The following CATSPER1 variants were observed in gnomAD, a reference collection of about 807,000 sequenced individuals.
The protein encoded by CATSPER1 is cation channel sperm-associated protein 1.
In CATSPER1, 57 loss-of-function variants were observed where a neutral mutation model predicts 72.7. That is an observed-to-expected ratio of 0.78 (90% CI 0.63 to 0.98). The LOEUF (loss-of-function observed/expected upper bound fraction) is 0.98. Among genes scored for constraint, CATSPER1 ranks in the 50% least tolerant of loss-of-function variants. The pLI, the probability that CATSPER1 is intolerant of heterozygous loss-of-function variation, is 0.00. For synonymous variants in CATSPER1, 363 were observed against 403.0 expected, an observed-to-expected ratio of 0.90 and a Z score of 1.19; for missense variants, 910 against 1,033.9, an observed-to-expected ratio of 0.88 and a Z score of 1.64.
intron 4 of CATSPER1, 122 bp downstream of exon 4, chr11:66,021,374 G>A (rs1856364680): frequency 2.2e-6 from 3 of 1,340,832 alleles, no homozygotes; most frequent in Non-Finnish European, 3.1e-6. Flanking sequence ...AAGCAGGCTG[G>A]GGTCAGCAGC....
In CATSPER1 at chr11:66,025,798, G is replaced by T. The variant is rs375411792; in HGVS notation, c.582C>A (p.Ser194Arg). 1.2e-6 allele frequency: 2 copies of T among 1,613,492 alleles called. No homozygotes were observed. Among genetic ancestry groups the T allele is most frequent in the South Asian group, 2.2e-5 (2 of 91,068 alleles). Residue 194 changes from serine to arginine, a missense_variant, in exon 1 of 12, where the codon AGC becomes AGA. By Grantham distance (110) the Ser-to-Arg change is moderately radical. Transcript: ENST00000312106. ...PNPYSESFHH[S>R]EASHLSGLQH... is the part of the protein sequence containing the mutation. Reference sequence around the variant, plus strand: ...GGAGCCCGCTAAGGTGGGAAGCCTCGCTGTGGTGGAAGGACTCACTGTAGG... The same window carrying T: ...GGAGCCCGCTAAGGTGGGAAGCCTCTCTGTGGTGGAAGGACTCACTGTAGG...
chr11:66,021,836 G>T lies in CATSPER1; in HGVS notation c.1473C>A (p.Tyr491Ter). ...MALDSIFFCI[Y>*]VVEALLKIIA... ...TGATCTTGAGCAGGGCTTCCACCAC[G>T]TAGATGCAGAAGAATATGGAGTCCA... The change falls in exon 3 of 12, where the codon TAC becomes TAA. Residue 491 changes from tyrosine (Y) to a stop codon, truncating the protein, a stop_gained. Coordinates refer to ENST00000312106, the MANE Select transcript of CATSPER1 (RefSeq NM_053054.4). LOFTEE classifies it high-confidence loss of function. The T allele has an allele frequency of 1.2e-6, 2 of 1,614,130 alleles. No homozygotes were observed. The highest frequency in any genetic ancestry group is 1.7e-6 in the Non-Finnish European group (2 of 1,180,018).
In CATSPER1 at chr11:66,020,705, G is replaced by A. The variant is rs985353606; in HGVS notation, c.1928-78C>T. 5 of 1,592,926 alleles carry A rather than the reference G, an allele frequency of 3.1e-6. No individual in the cohort carries two copies. The highest frequency in any genetic ancestry group is 3.4e-6 in the Non-Finnish European group (4 of 1,164,184). On this transcript the variant is annotated intron_variant, in intron 6 of 11. Transcript: ENST00000312106. This position sits in a 1 kb window ranked among gnomAD's most constrained non-coding sequence, Gnocchi z 4.5. ...CACGACCTGCTCCCTTCCCATACCC[G>A]GACATGCAGGCATCAGAAGCCCCAC... is the stretch of plus-strand genomic sequence containing the variant.
rs1856465575 is a variant in CATSPER1 at position 66,025,027 on chromosome 11, G to A, written c.1216+137C>T. ...AAGATGGGACCATGAACAGTCAGGA[G>A]AGTGAATAGCCAGTGGGGGACCTGT... On this transcript the variant is annotated intron_variant, in intron 1 of 11. Coordinates refer to ENST00000312106, the MANE Select transcript of CATSPER1 (RefSeq NM_053054.4). 4.0e-6 allele frequency: 4 copies of A among 990,736 alleles called. No homozygotes were observed. In the South Asian group the frequency reaches 5.3e-5, roughly 13 times the overall value. The allele number at this position is 990,736 out of a possible 1,614,324, so 61.4% of individuals were successfully genotyped here. A position where few individuals can be genotyped will look rare whatever the true frequency, so the allele number is the denominator to read the frequency against.
At position 66,021,537 on chromosome 11, in the gene CATSPER1, G is replaced by A. The variant is rs745309713; in HGVS notation, c.1650C>T (p.Ser550=). ...SLFRILKVFK[S]LRALRAIRVL... ...CCCGGATTGCCCTCAGGGCCCGCAG[G>A]CTCTTGAAGACCTTGAGGATCCGGA... The change falls in exon 4 of 12, where the codon AGC becomes AGT. Residue 550 remains serine, a synonymous_variant. Coordinates refer to ENST00000312106, the MANE Select transcript of CATSPER1 (RefSeq NM_053054.4). 1 of 1,613,938 alleles carries A rather than the reference G, an allele frequency of 6.2e-7. No individual in the cohort carries two copies. The highest frequency in any genetic ancestry group is 8.5e-7 in the Non-Finnish European group (1 of 1,179,986).
chr11:66,021,730 A>C (rs1303334815), intron 3 of CATSPER1, 36 bp downstream of exon 3: 2 of 1,612,596 alleles, frequency 1.2e-6, no homozygotes, highest in Admixed American at 1.7e-5. Context: ...CCTCCCCCAG[A>C]CTAAACACAC....
Position 66,020,068 on chromosome 11 carries a change from A to C in CATSPER1, c.2125+72T>G. 2.0e-6 allele frequency: 3 copies of C among 1,467,906 alleles called. No homozygotes were observed. The highest frequency in any genetic ancestry group is 3.4e-5 in the Admixed American group (2 of 58,536). The allele number at this position is 1,467,906 out of a possible 1,614,324, so 90.9% of individuals were successfully genotyped here. A position where few individuals can be genotyped will look rare whatever the true frequency, so the allele number is the denominator to read the frequency against. ...TCTGGAATTCTGTGACTGTGGAAGG[A>C]GGTTAGGGGGATGGAGAGACTGGCC... On this transcript the variant is annotated intron_variant, in intron 9 of 11. Coordinates refer to ENST00000312106, the MANE Select transcript of CATSPER1 (RefSeq NM_053054.4). The surrounding 1 kb of genome is among the most constrained non-coding windows in gnomAD (Gnocchi z 4.5).
In CATSPER1 at chr11:66,020,812, C is replaced by A. The variant is rs1276581876; in HGVS notation, c.1926G>T (p.Gln642His). ...CCTGCAGCCTGGGGCCTGCCCTACC[C>A]TGGGCACGGCTGTCCATGTAGATGA... Reference protein sequence around the residue: ...WSLIYMDSRAQGAWYIIPILV... With the variant: ...WSLIYMDSRAHGAWYIIPILV... Residue 642 changes from glutamine (Q) to histidine (H), a missense_variant and splice_region_variant, in exon 6 of 12, where the codon CAG becomes CAT. Gln to His is a conservative substitution (Grantham distance 24, BLOSUM62 0). Transcript: ENST00000312106. The surrounding 1 kb of genome is among the most constrained non-coding windows in gnomAD (Gnocchi z 4.5). 1 of 1,613,788 alleles carries A rather than the reference C, an allele frequency of 6.2e-7. No homozygotes were observed. Among genetic ancestry groups the A allele is most frequent in the Non-Finnish European group, 8.5e-7 (1 of 1,180,010 alleles).
chr11:66,017,193 G>GGGCCC lies in CATSPER1; in HGVS notation c.2202-20_2202-19insGGGCC. ...CTGCTGCCTGCGGGTGGGCGGGGGG[G>GGGCCC]TCGCAGAGACAGGGGCTGGGCTGAC... On this transcript the variant is annotated intron_variant, in intron 10 of 11. Coordinates refer to ENST00000312106, the MANE Select transcript of CATSPER1 (RefSeq NM_053054.4). 2.0e-6 allele frequency: 1 copy of GGGCCC among 493,776 alleles called. No individual in the cohort carries two copies. Among genetic ancestry groups the GGGCCC allele is most frequent in the East Asian group, 5.5e-5 (1 of 18,090 alleles). 30.6% of individuals were successfully genotyped at this position (493,776 alleles called of 1,614,324 possible).
Position 66,021,522 on chromosome 11 carries a change from C to G in CATSPER1, c.1665G>C (p.Arg555Ser). Residue 555 changes from arginine to serine, a missense_variant, in exon 4 of 12, where the codon AGG becomes AGC. Coordinates refer to ENST00000312106, the MANE Select transcript of CATSPER1 (RefSeq NM_053054.4). ...TGAGCCTCCGCAGGACCCGGATTGC[C>G]CTCAGGGCCCGCAGGCTCTTGAAGA... ...LKVFKSLRAL[R>S]AIRVLRRLSF... The G allele has an allele frequency of 6.2e-7, 1 of 1,613,852 alleles. No homozygotes were observed. The highest frequency in any genetic ancestry group is 8.5e-7 in the Non-Finnish European group (1 of 1,180,016).
rs764652887 is a variant in CATSPER1 at position 66,025,831 on chromosome 11, T to A, written c.549A>T (p.Gly183=). ...GGAAGGACTCACTGTAGGGATTGGGTCCATGGGGGAGGTAGGACCCACCAT... is the reference window on the plus strand; with the variant it reads ...GGAAGGACTCACTGTAGGGATTGGGACCATGGGGGAGGTAGGACCCACCAT... ...SHHGGSYLPH[G]PNPYSESFHH... The change falls in exon 1 of 12, where the codon GGA becomes GGT. Residue 183 remains glycine (G), a synonymous_variant. Transcript: ENST00000312106. 1 of 1,611,460 alleles carries A rather than the reference T, an allele frequency of 6.2e-7. No individual in the cohort carries two copies. The highest frequency in any genetic ancestry group is 1.7e-5 in the Admixed American group (1 of 59,784).
Position 66,017,194 on chromosome 11 carries a change from T to TGGGGGGGGGGGGGGGCCCA in CATSPER1, c.2202-21_2202-20insTGGGCCCCCCCCCCCCCCC. The TGGGGGGGGGGGGGGGCCCA allele has an allele frequency of 1.8e-6, 1 of 550,278 alleles. No individual in the cohort carries two copies. 34.1% of individuals were successfully genotyped at this position (550,278 alleles called of 1,614,324 possible). On this transcript the variant is annotated intron_variant, in intron 10 of 11. Coordinates refer to ENST00000312106, the MANE Select transcript of CATSPER1 (RefSeq NM_053054.4). The stretch of plus-strand genomic sequence containing the variant: ...TGCTGCCTGCGGGTGGGCGGGGGGG[T>TGGGGGGGGGGGGGGGCCCA]CGCAGAGACAGGGGCTGGGCTGACC...
rs1856480181 is a variant in CATSPER1 at position 66,025,523 on chromosome 11, G to A, written c.857C>T (p.Thr286Ile). 1.2e-6 allele frequency: 2 copies of A among 1,605,220 alleles called. No homozygotes were observed. Among genetic ancestry groups the A allele is most frequent in the African/African-American group, 2.7e-5 (2 of 74,862 alleles). ...GTGGGTCTGGTGGTAGTGGTGCTGTGTGTGGTGGGGATGGTCGCCATGGTG... is the reference window on the plus strand; with the variant it reads ...GTGGGTCTGGTGGTAGTGGTGCTGTATGTGGTGGGGATGGTCGCCATGGTG... ...EYHHGDHPHH[T>I]QHHYHQTHRH... Residue 286 changes from threonine (T) to isoleucine (I), a missense_variant, in exon 1 of 12, where the codon ACA becomes ATA. Coordinates refer to ENST00000312106, the MANE Select transcript of CATSPER1 (RefSeq NM_053054.4).
intron 1 of CATSPER1, among the ~76,000 whole-genome samples, chr11:66,024,746 CACCA>C (rs1188095115): frequency 1.6e-4 from 24 of 152,116 alleles, no homozygotes; most frequent in African/African-American, 5.8e-4. Context: ...AGATAGAATC[CACCA>C]TGGTAAATGT....
chr11:66,020,607 T>G lies in CATSPER1; in HGVS notation c.1948A>C (p.Ile650Leu). 6.2e-7 allele frequency: 1 copy of G among 1,612,258 alleles called. No individual in the cohort carries two copies. Among genetic ancestry groups the G allele is most frequent in the Non-Finnish European group, 8.5e-7 (1 of 1,179,386 alleles). Residue 650 changes from isoleucine (I) to leucine (L), a missense_variant, in exon 7 of 12, where the codon ATC becomes CTC. Transcript: ENST00000312106. This position sits in a 1 kb window ranked among gnomAD's most constrained non-coding sequence, Gnocchi z 4.5. ...RAQGAWYIIP[I>L]LVIYIIIQYF... is the part of the protein sequence containing the mutation. ...TGGATGATGATGTAAATTACGAGGA[T>G]GGGAATGATGTACCAGGCGCCTAGG... is the stretch of plus-strand genomic sequence containing the variant.
Position 66,026,262 on chromosome 11 carries a change from G to C in CATSPER1, c.118C>G (p.Leu40Val). 6.2e-7 allele frequency: 1 copy of C among 1,614,218 alleles called. No individual in the cohort carries two copies. The change falls in exon 1 of 12, where the codon CTC (leucine) becomes GTC (valine). Residue 40 changes from leucine (L) to valine (V), a missense_variant. Coordinates refer to ENST00000312106, the MANE Select transcript of CATSPER1 (RefSeq NM_053054.4). ...TGATGGTGCAACTCGTAATGGTGGAGAGCTCTGCTGTGGCCTGGCCTGTGG... is the reference window on the plus strand; with the variant it reads ...TGATGGTGCAACTCGTAATGGTGGACAGCTCTGCTGTGGCCTGGCCTGTGG... Reference protein sequence around the residue: ...PHHRPGHSRALHHYELHHHGV... With the variant: ...PHHRPGHSRAVHHYELHHHGV...
At chr11:66,021,970 CA>C (rs1226017647) in intron 2 of CATSPER1, 91 bp from the exon 3 acceptor site, 10 of 978,534 alleles carry the variant, frequency 1.0e-5, no homozygotes, top group South Asian at 9.1e-5. Context: ...CCCAGATTCC[CA>C]GGCTCTCCCC....
chr11:66,017,193 G>GTGGGGGGGGGGGC lies in CATSPER1; in HGVS notation c.2202-20_2202-19insGCCCCCCCCCCCA. Reference sequence around the variant, plus strand: ...CTGCTGCCTGCGGGTGGGCGGGGGGGTCGCAGAGACAGGGGCTGGGCTGAC... The same window carrying GTGGGGGGGGGGGC: ...CTGCTGCCTGCGGGTGGGCGGGGGGGTGGGGGGGGGGGCTCGCAGAGACAGGGGCTGGGCTGAC... On this transcript the variant is annotated intron_variant, in intron 10 of 11. Transcript: ENST00000312106. The GTGGGGGGGGGGGC allele has an allele frequency of 2.0e-6, 1 of 493,810 alleles. No individual in the cohort carries two copies. Among genetic ancestry groups the GTGGGGGGGGGGGC allele is most frequent in the Non-Finnish European group, 4.0e-6 (1 of 252,618 alleles). The allele number at this position is 493,810 out of a possible 1,614,324, so 30.6% of individuals were successfully genotyped here. A position where few individuals can be genotyped will look rare whatever the true frequency, so the allele number is the denominator to read the frequency against.
At chr11:66,017,204 A>G in intron 10 of CATSPER1, 30 bp from the exon 11 acceptor site, 1 of 1,490,654 alleles carries the variant, frequency 6.7e-7, no homozygotes. Flanking sequence ...TCGCAGAGAC[A>G]GGGGCTGGGC....
Sources: gnomAD v4.1 joint callset for allele counts (sites outside exome capture counted in the v4.1 genomes callset) on GRCh38, gnomAD v4.1.1 for gene constraint, Gnocchi (gnomAD v3.1) non-coding constraint, MANE v1.5 for transcripts, NCBI Gene and HGNC (gene_info 2026-07-23, HGNC 2026-07-21) for gene names.